Variants in IKZF2 observed in about 807,000 individuals in gnomAD.
IKZF2 encodes IKAROS family zinc finger 2.
A neutral mutation model predicts 49.2 loss-of-function variants in IKZF2; 15 were observed. The observed-to-expected ratio is 0.30, with a 90% CI of 0.20 to 0.47. The LOEUF (loss-of-function observed/expected upper bound fraction) is 0.47, where lower values mean the gene tolerates loss of function less well. Ranked by LOEUF, IKZF2 falls within the 20% of genes least tolerant of loss-of-function variation. IKZF2 has a pLI of 1.00. For synonymous variants in IKZF2, 227 were observed against 221.4 expected (o/e 1.03, Z -0.23); for missense variants, 567 against 664.6 (o/e 0.85, Z 1.61).
At chr2:213,024,556 T>G (rs1296198810) in intron 6 of IKZF2, among the ~76,000 whole-genome samples, 1 of 152,054 alleles carries the variant, frequency 6.6e-6, no homozygotes, top group Admixed American at 6.6e-5. Flanking sequence ...AACAAGAAGG[T>G]CTGTTTGAAG....
At chr2:213,042,079 T>C (rs1699720163) in intron 6 of IKZF2, among the ~76,000 whole-genome samples, 1 of 152,160 alleles carries the variant, frequency 6.6e-6, no homozygotes, top group South Asian at 2.1e-4. Context: ...ATAGCTAATT[T>C]GCAGCAAGGC....
chr2:213,024,581 G>A (rs926163928), intron 6 of IKZF2, among the ~76,000 whole-genome samples: 77 of 152,104 alleles, frequency 5.1e-4, no homozygotes, highest in African/African-American at 1.8e-3. Flanking sequence ...AACATTTCAG[G>A]TGACAACTGA....
chr2:213,078,907 T>C (rs990510330), intron 4 of IKZF2, among the ~76,000 whole-genome samples: 5 of 152,170 alleles, frequency 3.3e-5, no homozygotes, highest in Non-Finnish European at 4.4e-5. Flanking sequence ...TGAGAAACAA[T>C]AGTGGCATGG....
At chr2:213,117,499 C>T (rs1474930274) in intron 4 of IKZF2, among the ~76,000 whole-genome samples, 2 of 152,136 alleles carry the variant, frequency 1.3e-5, no homozygotes, top group Non-Finnish European at 2.9e-5. Flanking sequence ...TTATTGAACA[C>T]CTACTCCAGA....
chr2:213,049,933 T>A, intron 5 of IKZF2, 53 bp from the exon 6 acceptor site: 1 of 1,304,082 alleles, frequency 7.7e-7, no homozygotes, highest in Non-Finnish European at 1.0e-6. Context: ...TGCAAGTGAC[T>A]AATTTGCCAT....
Position 213,005,253 on chromosome 2 carries a change from T to C in IKZF2, c.*2107A>G, listed in dbSNP as rs1024167700. On this transcript the variant is annotated 3_prime_UTR_variant, in exon 9 of 9. Transcript: ENST00000434687. ...CTTTAAATAGGTTGTATGTTCACTA[T>C]GTACCAAGGCATGCAGAAAAAAAAA... 1.3e-5 allele frequency: 2 copies of C among 149,354 alleles called. No homozygotes were observed. The highest frequency in any genetic ancestry group is 2.5e-5 in the African/African-American group (1 of 40,214). The allele number at this position is 149,354 out of a possible 1,614,324, so 9.3% of individuals were successfully genotyped here.
intron 4 of IKZF2, among the ~76,000 whole-genome samples, chr2:213,062,390 T>C (rs997513128): frequency 6.6e-6 from 1 of 151,746 alleles, no homozygotes; most frequent in African/African-American, 2.4e-5. Context: ...AAGTGATGTA[T>C]TTATTGATCT....
chr2:213,127,808 AT>A (rs2060319458), intron 4 of IKZF2, among the ~76,000 whole-genome samples: 1 of 152,140 alleles, frequency 6.6e-6, no homozygotes, highest in Admixed American at 6.6e-5. Context: ...TATAACTGCA[AT>A]TTTTCCACCC....
At chr2:213,129,805 C>T (rs2060412678) in intron 4 of IKZF2, among the ~76,000 whole-genome samples, 1 of 152,164 alleles carries the variant, frequency 6.6e-6, no homozygotes, top group Non-Finnish European at 1.5e-5. Flanking sequence ...ACTAAAGTTA[C>T]AGTAGCGGGC....
Position 213,130,199 on chromosome 2 carries a change from CA to C in IKZF2, c.139+17508del, listed in dbSNP as rs780209938. Reference sequence around the variant, plus strand: ...TCTAACTGGATCATTTCCTTTATCCCAATAGCCAGTAATCTAGAAAATAAAA... The same window carrying C: ...TCTAACTGGATCATTTCCTTTATCCCATAGCCAGTAATCTAGAAAATAAAA... On this transcript the variant is annotated intron_variant, in intron 4 of 8. Coordinates refer to ENST00000434687, the MANE Select transcript of IKZF2 (RefSeq NM_001387220.1). Among the ~76,000 whole-genome samples the C allele has an allele frequency of 6.6e-5, 10 of 152,176 alleles. No homozygotes were observed. The East Asian group carries it at 1.9e-3, about 29-fold the overall frequency.
At chr2:213,123,472 TA>T (rs2060122708) in intron 4 of IKZF2, among the ~76,000 whole-genome samples, 1 of 152,098 alleles carries the variant, frequency 6.6e-6, no homozygotes, top group South Asian at 2.1e-4. Context: ...AATTGTCGAA[TA>T]AAAGACTTAA....
intron 4 of IKZF2, among the ~76,000 whole-genome samples, chr2:213,114,965 T>C (rs75940105): frequency 0.022 from 3,318 of 151,624 alleles, 128 homozygotes; most frequent in African/African-American, 0.076. Flanking sequence ...AGCATAAACC[T>C]ATTTCTAGAA....
intron 6 of IKZF2, among the ~76,000 whole-genome samples, chr2:213,032,096 T>G (rs1255198357): frequency 6.6e-6 from 1 of 152,152 alleles, no homozygotes; most frequent in African/African-American, 2.4e-5. Flanking sequence ...AGCAGATATA[T>G]TTGATACTGT....
intron 4 of IKZF2, among the ~76,000 whole-genome samples, chr2:213,074,749 T>C (rs1170592612): frequency 6.6e-6 from 1 of 152,168 alleles, no homozygotes; most frequent in African/African-American, 2.4e-5. Context: ...TTTGCTACAG[T>C]AATAGAATGC....
intron 4 of IKZF2, among the ~76,000 whole-genome samples, chr2:213,070,145 A>G (rs1477074419): frequency 6.6e-6 from 1 of 152,160 alleles, no homozygotes; most frequent in East Asian, 1.9e-4. Flanking sequence ...GGAAGCTTTA[A>G]ACTTCCAGCT....
intron 5 of IKZF2, among the ~76,000 whole-genome samples, chr2:213,050,144 T>G (rs1055629952): frequency 5.3e-5 from 8 of 152,186 alleles, no homozygotes; most frequent in African/African-American, 1.4e-4. Context: ...ATAATAGCAT[T>G]TATCATTGGT....
intron 7 of IKZF2, among the ~76,000 whole-genome samples, chr2:213,021,103 C>T (rs1267400822): frequency 2.0e-5 from 3 of 152,058 alleles, no homozygotes; most frequent in African/African-American, 7.2e-5. Context: ...ATCCCAGTTA[C>T]TTGGCAGGCT....
At chr2:213,010,996 C>A (rs563789487) in intron 8 of IKZF2, among the ~76,000 whole-genome samples, 34 of 151,982 alleles carry the variant, frequency 2.2e-4, no homozygotes, top group African/African-American at 7.2e-4. Flanking sequence ...GTCATAAAAA[C>A]CAAGAAAAGA....
chr2:213,120,648 G>A (rs1356802188), intron 4 of IKZF2, among the ~76,000 whole-genome samples: 1 of 152,176 alleles, frequency 6.6e-6, no homozygotes, highest in Non-Finnish European at 1.5e-5. Context: ...AGAAGTAGGT[G>A]ACAAAACTAC....
Sources: gnomAD v4.1 joint callset for allele counts (sites outside exome capture counted in the v4.1 genomes callset) on GRCh38, gnomAD v4.1.1 for gene constraint, MANE v1.5 for transcripts, NCBI Gene and HGNC (gene_info 2026-07-23, HGNC 2026-07-21) for gene names.